The following TPTE variants were observed in gnomAD, a reference collection of about 807,000 sequenced individuals.
TPTE encodes the protein transmembrane phosphatase with tensin homology, also known as putative tyrosine-protein phosphatase TPTE.
In TPTE, 59 loss-of-function variants were observed where a neutral mutation model predicts 84.1. That is an observed-to-expected ratio of 0.70 (90% confidence interval 0.57 to 0.87). The LOEUF (loss-of-function observed/expected upper bound fraction) is 0.87, where lower values mean the gene tolerates loss of function less well. Among genes scored for constraint, TPTE ranks in the 40% least tolerant of loss-of-function variants. TPTE has a pLI of 0.00. For synonymous variants in TPTE, 130 were observed against 223.5 expected, an observed-to-expected ratio of 0.58 and a Z score of 3.73; for missense variants, 382 against 659.6, an observed-to-expected ratio of 0.58 and a Z score of 4.61.
At chr21:10,561,922 C>G (rs1358210269) in intron 10 of TPTE, among the ~76,000 whole-genome samples, 5 of 152,310 alleles carry the variant, frequency 3.3e-5, no homozygotes, top group South Asian at 2.1e-4. Flanking sequence ...TACAGCAGGT[C>G]TTGGGCAAGA....
intron 3 of TPTE, among the ~76,000 whole-genome samples, chr21:10,537,802 C>T (rs1258533914): frequency 1.3e-5 from 2 of 152,296 alleles, no homozygotes; most frequent in African/African-American, 4.8e-5. Flanking sequence ...TAAATCAAGG[C>T]ATGCACCCAC....
At chr21:10,553,369 A>G (rs1343573206) in intron 8 of TPTE, among the ~76,000 whole-genome samples, 2 of 152,308 alleles carry the variant, frequency 1.3e-5, no homozygotes, top group Non-Finnish European at 2.9e-5. Context: ...CTGGAGAGGA[A>G]GTACTGCCAT....
intron 17 of TPTE, among the ~76,000 whole-genome samples, chr21:10,587,167 T>G (rs1232916335): frequency 6.6e-6 from 1 of 152,310 alleles, no homozygotes; most frequent in South Asian, 2.1e-4. Flanking sequence ...CATTTGTTAT[T>G]ATTTGTTTTT....
intron 19 of TPTE, among the ~76,000 whole-genome samples, chr21:10,594,979 C>G (rs1412769266): frequency 1.3e-5 from 2 of 152,424 alleles, no homozygotes; most frequent in Admixed American, 1.3e-4. Flanking sequence ...CCGTTAGTTA[C>G]TTTAATCAAC....
chr21:10,521,724 G>C (rs1317955268), intron 1 of TPTE, 30 bp downstream of exon 1: 1 of 152,942 alleles, frequency 6.5e-6, no homozygotes, highest in African/African-American at 2.4e-5. Context: ...CCTCCGGGCG[G>C]GGGTAGGGGT....
At chr21:10,543,014 CTTTTTTTTT>C (rs1051322060) in intron 6 of TPTE, among the ~76,000 whole-genome samples, 3 of 72,276 alleles carry the variant, frequency 4.2e-5, no homozygotes, top group Admixed American at 1.9e-4. Context: ...TGACTGTATT[CTTTTTTTTT>C]TTTTTTTTTT....
intron 14 of TPTE, among the ~76,000 whole-genome samples, chr21:10,574,726 C>CAGTG (rs3047740): frequency 6.6e-6 from 1 of 152,312 alleles, no homozygotes; most frequent in Non-Finnish European, 1.5e-5. Context: ...CCAAGGGAAG[C>CAGTG]AGTGAGTGAG....
chr21:10,549,005 C>T (rs1600883618), intron 7 of TPTE, among the ~76,000 whole-genome samples: 1 of 152,310 alleles, frequency 6.6e-6, no homozygotes, highest in East Asian at 1.9e-4. Flanking sequence ...TGCCTGCACA[C>T]ACCCTTACCC....
chr21:10,556,239 G>A (rs1272224627), intron 8 of TPTE, among the ~76,000 whole-genome samples: 2 of 152,398 alleles, frequency 1.3e-5, no homozygotes, highest in Non-Finnish European at 2.9e-5. Context: ...TCCCCTTCCT[G>A]TGTCCAAGGG....
chr21:10,601,176 A>T (rs1248913770), intron 21 of TPTE, among the ~76,000 whole-genome samples: 1 of 152,304 alleles, frequency 6.6e-6, no homozygotes, highest in African/African-American at 2.4e-5. Flanking sequence ...GTCTAATGGA[A>T]AATTCAATAC....
chr21:10,603,453 T>G lies in TPTE; in HGVS notation c.1450-109T>G. The G allele has an allele frequency of 6.1e-6, 7 of 1,148,678 alleles. No individual in the cohort carries two copies. The South Asian group carries it at 8.8e-5, about 14-fold the overall frequency. The allele number at this position is 1,148,678 out of a possible 1,614,324, so 71.2% of individuals were successfully genotyped here. On this transcript the variant is annotated intron_variant, in intron 22 of 23. Transcript: ENST00000618007. ...TTGCAGAGTGCCACATATTTAATGG[T>G]TATAATTGTTTGATAAATATAAAAA... is the stretch of plus-strand genomic sequence containing the variant.
At chr21:10,540,620 T>C (rs1402987295) in intron 4 of TPTE, 1 of 518,568 alleles carries the variant, frequency 1.9e-6, no homozygotes, top group Non-Finnish European at 3.9e-6. Flanking sequence ...TCCAGAGCTC[T>C]ACCGTTATGT....
intron 14 of TPTE, among the ~76,000 whole-genome samples, chr21:10,575,727 A>G (rs1289273959): frequency 1.3e-5 from 2 of 152,306 alleles, no homozygotes; most frequent in African/African-American, 4.8e-5. Context: ...TCTATGAGGA[A>G]CTTAAATTTA....
chr21:10,587,550 C>CTTTT (rs61197958), intron 17 of TPTE, among the ~76,000 whole-genome samples: 53 of 143,242 alleles, frequency 3.7e-4, no homozygotes, highest in African/African-American at 1.3e-3. Flanking sequence ...GAAATGATTT[C>CTTTT]TTTTTTTTTT....
intron 3 of TPTE, 120 bp from the exon 4 acceptor site, chr21:10,538,561 T>C (rs1488104962): frequency 6.1e-6 from 9 of 1,466,846 alleles, no homozygotes; most frequent in Non-Finnish European, 8.5e-6. Flanking sequence ...AATAGTGCTA[T>C]ACACATGAAT....
chr21:10,558,930 G>A (rs1237528209), intron 8 of TPTE, among the ~76,000 whole-genome samples: 1 of 152,292 alleles, frequency 6.6e-6, no homozygotes, highest in Non-Finnish European at 1.5e-5. Context: ...AGTCTTTCGG[G>A]TGTTTCTCCT....
intron 15 of TPTE, among the ~76,000 whole-genome samples, chr21:10,577,921 C>T (rs1342547511): frequency 1.3e-5 from 2 of 152,306 alleles, no homozygotes; most frequent in African/African-American, 2.4e-5. Flanking sequence ...GGGAAAAAAG[C>T]AAAAAACTGT....
chr21:10,541,192 C>G (rs760329623), intron 5 of TPTE, 27 bp downstream of exon 5: 2 of 1,611,640 alleles, frequency 1.2e-6, no homozygotes, highest in East Asian at 4.5e-5. Context: ...GTACACATGA[C>G]CAGGTGCAAT....
At chr21:10,567,061 G>C (rs1275487788) in intron 10 of TPTE, among the ~76,000 whole-genome samples, 3 of 151,930 alleles carry the variant, frequency 2.0e-5, no homozygotes, top group African/African-American at 4.8e-5. Context: ...AAATAAGCCA[G>C]GCACAGAAGG....
Sources: allele counts gnomAD v4.1 joint callset (sites outside exome capture counted in the v4.1 genomes callset), GRCh38; gene constraint gnomAD v4.1.1; transcripts MANE v1.5; gene names NCBI Gene and HGNC (gene_info 2026-07-23, HGNC 2026-07-21).